OR7E24: variants seen among roughly 807,000 people sequenced by gnomAD.
OR7E24 encodes olfactory receptor 7E24.
For missense variants in OR7E24, 385 were observed against 410.3 expected (o/e 0.94, Z 0.53); for synonymous variants, 130 against 157.5 (o/e 0.83, Z 1.31).
chr19:9,250,127 C>T (rs979880535), upstream of OR7E24, among the ~76,000 whole-genome samples: 2 of 152,274 alleles, frequency 1.3e-5, no homozygotes, highest in East Asian at 3.9e-4. Flanking sequence ...CAAGGTCTCA[C>T]TCTGCCACTC....
At chr19:9,213,306 C>G in the OR7E24 span, 2 of 151,808 alleles carry the variant, frequency 1.3e-5, no homozygotes, top group African/African-American at 4.9e-5. Context: ...GGTAAGAAAA[C>G]TGATCAAAGA....
At chr19:9,239,464 C>T in the OR7E24 span, among the ~76,000 whole-genome samples, 4 of 152,106 alleles carry the variant, frequency 2.6e-5, no homozygotes, top group Non-Finnish European at 4.4e-5. Context: ...AGCCACCGCA[C>T]ATGGCCAACA....
upstream of OR7E24, among the ~76,000 whole-genome samples, chr19:9,244,831 A>G (rs2144935187): frequency 6.6e-6 from 1 of 152,184 alleles, no homozygotes; most frequent in Admixed American, 6.5e-5. Context: ...TCTGTAAATC[A>G]TATATATATG....
chr19:9,227,925 T>G, the OR7E24 span, among the ~76,000 whole-genome samples: 1 of 151,140 alleles, frequency 6.6e-6, no homozygotes, highest in Non-Finnish European at 1.5e-5. Flanking sequence ...GGCTAATTTT[T>G]TGTATTTTTA....
chr19:9,220,496 T>C, the OR7E24 span, among the ~76,000 whole-genome samples: 1 of 152,238 alleles, frequency 6.6e-6, no homozygotes, highest in Non-Finnish European at 1.5e-5. Flanking sequence ...CTTATTTCAC[T>C]TAACACAATG....
At chr19:9,221,191 C>A in the OR7E24 span, among the ~76,000 whole-genome samples, 3 of 150,196 alleles carry the variant, frequency 2.0e-5, no homozygotes, top group African/African-American at 7.3e-5. Context: ...AGAATGACTT[C>A]AACCCGGGAG....
the OR7E24 span, chr19:9,214,258 G>A: frequency 3.7e-6 from 6 of 1,613,998 alleles, no homozygotes; most frequent in African/African-American, 1.3e-5. Context: ...ATGTTATTGA[G>A]GAGGGTGTTA....
upstream of OR7E24, among the ~76,000 whole-genome samples, chr19:9,246,449 A>T (rs113929045): frequency 1.4e-5 from 2 of 141,708 alleles, no homozygotes; most frequent in Non-Finnish European, 3.0e-5. Context: ...GATAAAGCTT[A>T]TTTACCCTTA....
At chr19:9,218,423 G>A in the OR7E24 span, among the ~76,000 whole-genome samples, 1 of 152,092 alleles carries the variant, frequency 6.6e-6, no homozygotes, top group Non-Finnish European at 1.5e-5. Flanking sequence ...TAGAAAAAAT[G>A]CATTTGAAAA....
the OR7E24 span, chr19:9,209,852 A>G: frequency 1.3e-5 from 2 of 152,032 alleles, no homozygotes; most frequent in Non-Finnish European, 1.5e-5. Context: ...ACAGGGTTTC[A>G]TCATATTGGT....
the OR7E24 span, chr19:9,211,366 A>G: frequency 6.6e-6 from 1 of 152,250 alleles, no homozygotes; most frequent in African/African-American, 2.4e-5. Flanking sequence ...AAAGTTACCA[A>G]GTTAGGCTGC....
chr19:9,233,613 A>G, the OR7E24 span, among the ~76,000 whole-genome samples: 3 of 152,248 alleles, frequency 2.0e-5, no homozygotes, highest in Admixed American at 1.3e-4. Flanking sequence ...GAAGTGTTGT[A>G]TGGCAGTCAA....
At chr19:9,223,012 T>G in the OR7E24 span, among the ~76,000 whole-genome samples, 1 of 152,206 alleles carries the variant, frequency 6.6e-6, no homozygotes, top group African/African-American at 2.4e-5. Flanking sequence ...CATTAAAGGA[T>G]GTTAATTTTT....
chr19:9,228,733 T>C, the OR7E24 span, among the ~76,000 whole-genome samples: 1 of 152,020 alleles, frequency 6.6e-6, no homozygotes, highest in Non-Finnish European at 1.5e-5. Context: ...TACTTTGGAG[T>C]AGATGGTGAA....
At chr19:9,244,518 T>C (rs1217696572), upstream of OR7E24, among the ~76,000 whole-genome samples, 3 of 152,214 alleles carry the variant, frequency 2.0e-5, no homozygotes, top group African/African-American at 7.2e-5. Context: ...TGAAGGTGGG[T>C]TCTTACCTTA....
chr19:9,220,792 T>C, the OR7E24 span, among the ~76,000 whole-genome samples: 7 of 152,202 alleles, frequency 4.6e-5, no homozygotes, highest in Non-Finnish European at 8.8e-5. Flanking sequence ...TCCATACTCT[T>C]TTCCATAATG....
chr19:9,219,830 G>A, the OR7E24 span, among the ~76,000 whole-genome samples: 3 of 152,100 alleles, frequency 2.0e-5, no homozygotes, highest in African/African-American at 7.2e-5. Flanking sequence ...AGGGCATGAT[G>A]GATTTATTTC....
chr19:9,235,919 A>G, the OR7E24 span: 22 of 1,606,520 alleles, frequency 1.4e-5, no homozygotes, highest in East Asian at 4.7e-4. Flanking sequence ...CTTGGGGTCT[A>G]TCTCAGTTCT....
At chr19:9,244,596 C>A (rs2066124329), upstream of OR7E24, among the ~76,000 whole-genome samples, 2 of 152,134 alleles carry the variant, frequency 1.3e-5, no homozygotes, top group Non-Finnish European at 2.9e-5. Context: ...CTATAAAATT[C>A]TTAAAGAAAA....
Sources: allele counts gnomAD v4.1 joint callset (sites outside exome capture counted in the v4.1 genomes callset), GRCh38; gene constraint gnomAD v4.1.1; transcripts MANE v1.5; gene names NCBI Gene and HGNC (gene_info 2026-07-23, HGNC 2026-07-21).